The following DENND1A variants were observed in gnomAD, a reference collection of about 807,000 sequenced individuals.
The protein encoded by DENND1A is DENN domain-containing protein 1A.
A neutral mutation model predicts 113.7 loss-of-function variants in DENND1A; 51 were observed. The ratio of observed to expected loss-of-function variants is 0.45; its 90% CI spans 0.36 to 0.57. The LOEUF is 0.57. Ranked by LOEUF, DENND1A falls within the 20% of genes least tolerant of loss-of-function variation. The pLI is 0.00. For missense variants in DENND1A, 1,258 were observed against 1,395.9 expected (o/e 0.90, Z 1.57); for synonymous variants, 565 against 570.8 (o/e 0.99, Z 0.14).
At chr9:123,525,758 C>CTCT (rs374089477) in intron 13 of DENND1A, among the ~76,000 whole-genome samples, 1 of 129,844 alleles carries the variant, frequency 7.7e-6, no homozygotes, top group Non-Finnish European at 1.6e-5. Flanking sequence ...TGCAGTCTAC[C>CTCT]TTTTTTTTTT....
intron 2 of DENND1A, chr9:123,843,249 C>T (rs1842085719): frequency 1.8e-5 from 9 of 490,368 alleles, no homozygotes; most frequent in South Asian, 1.5e-4. Flanking sequence ...TAAAAAAGTT[C>T]ATTATCACAC....
intron 21 of DENND1A, among the ~76,000 whole-genome samples, chr9:123,394,831 AC>A (rs1180221329): frequency 6.6e-6 from 1 of 152,136 alleles, no homozygotes; most frequent in Non-Finnish European, 1.5e-5. Context: ...CCTGCCCCTC[AC>A]CCTGAGGACA....
intron 13 of DENND1A, among the ~76,000 whole-genome samples, chr9:123,555,161 C>A (rs1305357712): frequency 2.6e-5 from 4 of 152,046 alleles, no homozygotes; most frequent in Non-Finnish European, 5.9e-5. Flanking sequence ...CTTGCTACTT[C>A]CTCCTTCATG....
intron 1 of DENND1A, among the ~76,000 whole-genome samples, chr9:123,918,247 G>C (rs1199403778): frequency 6.6e-6 from 1 of 151,032 alleles, no homozygotes; most frequent in Non-Finnish European, 1.5e-5. Context: ...CCAGCACTTT[G>C]GGAGGCCAAG....
chr9:123,397,754 C>T (rs2131194198), intron 21 of DENND1A, among the ~76,000 whole-genome samples: 1 of 152,310 alleles, frequency 6.6e-6, no homozygotes, highest in Admixed American at 6.5e-5. Context: ...TCTCTTTTCC[C>T]TAACATTCCA....
intron 2 of DENND1A, among the ~76,000 whole-genome samples, chr9:123,874,200 TAA>T (rs3050143): frequency 1.4e-4 from 13 of 93,140 alleles, no homozygotes; most frequent in Admixed American, 3.6e-4. Flanking sequence ...ATTTAAAAAG[TAA>T]AAAAAAAAAA....
At chr9:123,743,255 G>T (rs2069170684) in intron 5 of DENND1A, among the ~76,000 whole-genome samples, 2 of 151,852 alleles carry the variant, frequency 1.3e-5, no homozygotes, top group South Asian at 4.2e-4. Flanking sequence ...AAATAAATTA[G>T]CTGGATATGG....
chr9:123,510,731 G>A (rs2053386916), intron 13 of DENND1A, among the ~76,000 whole-genome samples: 1 of 152,218 alleles, frequency 6.6e-6, no homozygotes, highest in Admixed American at 6.5e-5. Context: ...CTGCTTCCAA[G>A]GATAGGAGAT....
chr9:123,743,758 T>C (rs969922504), intron 5 of DENND1A, among the ~76,000 whole-genome samples: 1 of 151,458 alleles, frequency 6.6e-6, no homozygotes, highest in Admixed American at 6.6e-5. Flanking sequence ...AATAAAAAAA[T>C]TTAAATTTAA....
intron 13 of DENND1A, among the ~76,000 whole-genome samples, chr9:123,553,662 G>A (rs1251581192): frequency 6.6e-6 from 1 of 152,128 alleles, no homozygotes; most frequent in African/African-American, 2.4e-5. Context: ...CAAAAGAAAC[G>A]AAAAATCCTA....
Position 123,507,825 on chromosome 9 carries a change from A to AAAATAAATAAAT in DENND1A, c.993+49733_993+49744dup, listed in dbSNP as rs35086659. On this transcript the variant is annotated intron_variant, in intron 13 of 23. Coordinates refer to ENST00000394215, the MANE Select transcript of DENND1A (RefSeq NM_001352964.2). ...GGCAATGGGAGTGAGAACCTATCTCAAAATAAATAAATAAATAAATAAATA... is the reference window on the plus strand; with the variant it reads ...GGCAATGGGAGTGAGAACCTATCTCAAAATAAATAAATAAATAAATAAATAAATAAATAAATA... Among the ~76,000 whole-genome samples, 714 of 148,850 alleles carry AAAATAAATAAAT rather than the reference A, an allele frequency of 4.8e-3. 3 individuals carry two copies. Among genetic ancestry groups the AAAATAAATAAAT allele is most frequent in the Non-Finnish European group, 7.9e-3 (534 of 67,344 alleles).
intron 2 of DENND1A, among the ~76,000 whole-genome samples, chr9:123,852,257 T>C (rs1219046188): frequency 6.6e-6 from 1 of 152,152 alleles, no homozygotes; most frequent in Non-Finnish European, 1.5e-5. Context: ...CATCCTCACC[T>C]AAGCCTGATT....
At chr9:123,479,231 G>A (rs1258386085) in intron 13 of DENND1A, among the ~76,000 whole-genome samples, 4 of 152,188 alleles carry the variant, frequency 2.6e-5, no homozygotes, top group African/African-American at 9.7e-5. Flanking sequence ...TAAAGTCTGG[G>A]TTCTTTCCTC....
At chr9:123,674,336 TCTCTCTCACACACACACACACACACA>T (rs1564925856) in intron 6 of DENND1A, among the ~76,000 whole-genome samples, 4 of 123,090 alleles carry the variant, frequency 3.2e-5, no homozygotes, top group African/African-American at 9.6e-5. Context: ...TGTCTCTGTC[TCTCTCTCACACACACACACACACACA>T]CACACACACA....
intron 11 of DENND1A, among the ~76,000 whole-genome samples, chr9:123,590,131 C>G (rs961846647): frequency 1.3e-5 from 2 of 152,208 alleles, no homozygotes; most frequent in African/African-American, 4.8e-5. Flanking sequence ...GTTCCTAGAC[C>G]TCAGCCATGC....
chr9:123,929,322 T>C (rs1418456093), intron 1 of DENND1A, among the ~76,000 whole-genome samples: 1 of 152,216 alleles, frequency 6.6e-6, no homozygotes, highest in African/African-American at 2.4e-5. Context: ...TCACAGCCTT[T>C]GGACCTTGCT....
intron 9 of DENND1A, among the ~76,000 whole-genome samples, chr9:123,639,764 C>A (rs946733123): frequency 8.3e-5 from 11 of 132,842 alleles, no homozygotes; most frequent in Non-Finnish European, 1.7e-4. Context: ...GCAACAAGAA[C>A]GAAACTCCAT....
intron 13 of DENND1A, among the ~76,000 whole-genome samples, chr9:123,529,163 T>G (rs568350903): frequency 7.9e-5 from 12 of 152,250 alleles, no homozygotes; most frequent in Non-Finnish European, 1.8e-4. Context: ...GACAAAGTAA[T>G]GTATGTGTCA....
intron 13 of DENND1A, among the ~76,000 whole-genome samples, chr9:123,487,007 G>A (rs2050935089): frequency 6.6e-6 from 1 of 152,206 alleles, no homozygotes; most frequent in Non-Finnish European, 1.5e-5. Flanking sequence ...AGTCTCCACT[G>A]AGAGTTGCTG....
Sources: gnomAD v4.1 joint callset for allele counts (sites outside exome capture counted in the v4.1 genomes callset) on GRCh38, gnomAD v4.1.1 for gene constraint, MANE v1.5 for transcripts, NCBI Gene and HGNC (gene_info 2026-07-23, HGNC 2026-07-21) for gene names.